The following SEC23B variants were observed in gnomAD, a reference collection of about 807,000 sequenced individuals.
SEC23B encodes protein transport protein Sec23B.
In SEC23B, 77 loss-of-function variants were observed where a neutral mutation model predicts 104.3. That is an observed-to-expected ratio of 0.74 (90% CI 0.61 to 0.89). SEC23B has a LOEUF of 0.89. Ranked by LOEUF, SEC23B falls within the 40% of genes least tolerant of loss-of-function variation. The pLI is 0.00. For missense variants in SEC23B, 885 were observed against 949.4 expected, an observed-to-expected ratio of 0.93 and a Z score of 0.89; for synonymous variants, 338 against 332.5, an observed-to-expected ratio of 1.02 and a Z score of -0.18.
At position 18,524,735 on chromosome 20, in the gene SEC23B, T is replaced by C. The variant is rs187504382; in HGVS notation, c.603+66T>C. 1.1e-3 allele frequency: 1,475 copies of C among 1,383,776 alleles called. 28 individuals carry two copies. The Admixed American group carries it at 0.024, about 23-fold the overall frequency. 85.7% of individuals were successfully genotyped at this position (1,383,776 alleles called of 1,614,324 possible). A position where few individuals can be genotyped will look rare whatever the true frequency, so the allele number is the denominator to read the frequency against. On this transcript the variant is annotated intron_variant, in intron 5 of 19. Transcript: ENST00000650089. ...TTTTTAAAAGAGACTGGGGTCTCTT[T>C]AAAAGAGCCTGTAGCCCAGGCTGGA...
rs191755557 is a variant in SEC23B at position 18,535,879 on chromosome 20, A to G, written c.1404+137A>G. The G allele has an allele frequency of 1.2e-3, 870 of 725,056 alleles. 2 individuals are homozygous for G. Among genetic ancestry groups the G allele is most frequent in the African/African-American group, 9.5e-3 (541 of 57,170 alleles). 44.9% of individuals were successfully genotyped at this position (725,056 alleles called of 1,614,324 possible). A position where few individuals can be genotyped will look rare whatever the true frequency, so the allele number is the denominator to read the frequency against. On this transcript the variant is annotated intron_variant, in intron 12 of 19. Coordinates refer to ENST00000650089, the MANE Select transcript of SEC23B (RefSeq NM_006363.6). Reference sequence around the variant, plus strand: ...GTATTAGGCCTGATGATAGTCTGGCATGACCTTTTCTTATTTATTCCTTCA... The same window carrying G: ...GTATTAGGCCTGATGATAGTCTGGCGTGACCTTTTCTTATTTATTCCTTCA...
intron 3 of SEC23B, among the ~76,000 whole-genome samples, chr20:18,513,904 G>A (rs2060002707): frequency 6.6e-6 from 1 of 152,186 alleles, no homozygotes; most frequent in Non-Finnish European, 1.5e-5. Flanking sequence ...GTAACTTTGG[G>A]TAGGTCACTT....
intron 8 of SEC23B, among the ~76,000 whole-genome samples, 197 bp downstream of exon 8, chr20:18,526,728 C>G (rs1017661674): frequency 1.3e-5 from 2 of 152,174 alleles, no homozygotes; most frequent in East Asian, 1.9e-4. Context: ...GGCCTTAAAA[C>G]TACTCAAAGG....
chr20:18,540,789 G>A (rs1442027447), intron 12 of SEC23B, among the ~76,000 whole-genome samples: 1 of 152,162 alleles, frequency 6.6e-6, no homozygotes, highest in Non-Finnish European at 1.5e-5. Flanking sequence ...CTGGGAAGCC[G>A]AGGTTGCAGT....
intron 3 of SEC23B, among the ~76,000 whole-genome samples, chr20:18,515,208 G>T (rs1200651042): frequency 6.6e-6 from 1 of 152,176 alleles, no homozygotes. Flanking sequence ...GGACAGAAAT[G>T]ATATAAATAT....
intron 4 of SEC23B, among the ~76,000 whole-genome samples, chr20:18,519,602 AT>A (rs1202220019): frequency 1.3e-5 from 2 of 152,154 alleles, no homozygotes; most frequent in Admixed American, 6.5e-5. Context: ...GCTGTGTGTA[AT>A]GAAAAGGGTT....
At chr20:18,516,764 A>T (rs1391997568) in intron 4 of SEC23B, among the ~76,000 whole-genome samples, 1 of 151,948 alleles carries the variant, frequency 6.6e-6, no homozygotes, top group Non-Finnish European at 1.5e-5. Context: ...CATGTTAGCC[A>T]GGATGGTCTC....
chr20:18,510,996 TA>T lies in SEC23B; in HGVS notation c.162del (p.Gln55AsnfsTer50). 2.5e-6 allele frequency: 4 copies of T among 1,614,226 alleles called. No individual in the cohort carries two copies. In the South Asian group the frequency reaches 4.4e-5, roughly 18 times the overall value. Reference protein sequence around the residue: ...PLKERPDLPPVQYEPVLCSRP... With the variant: ...PLKERPDLPPXQYEPVLCSRP... ...AAAGAACGTCCAGACCTACCTCCTG[TA>T]CAATATGAACCTGTGCTTTGCAGCA... On this transcript the variant is annotated frameshift_variant, in exon 2 of 20. Transcript: ENST00000650089. LOFTEE classifies it high-confidence loss of function.
At chr20:18,516,510 CTT>C (rs77850208) in intron 4 of SEC23B, among the ~76,000 whole-genome samples, 1 of 147,728 alleles carries the variant, frequency 6.8e-6, no homozygotes, top group Non-Finnish European at 1.5e-5. Context: ...GACATTGTTT[CTT>C]TTTTTTAAAC....
At chr20:18,540,383 T>C (rs2060276783) in intron 12 of SEC23B, among the ~76,000 whole-genome samples, 1 of 152,204 alleles carries the variant, frequency 6.6e-6, no homozygotes, top group South Asian at 2.1e-4. Context: ...AGGAGTCTTT[T>C]TTTTCCTGAG....
intron 9 of SEC23B, 112 bp from the exon 10 acceptor site, chr20:18,530,568 T>C (rs1317644968): frequency 1.6e-6 from 2 of 1,258,050 alleles, no homozygotes; most frequent in Non-Finnish European, 2.2e-6. Flanking sequence ...CAGTGGCTCT[T>C]TTGGGGACCT....
rs536034989 is a variant in SEC23B at position 18,560,577 on chromosome 20, A to G, written c.2215-74A>G. The stretch of plus-strand genomic sequence containing the variant: ...CAACACCTGTGAATGTTCTGAGGGA[A>G]GGTGCTTGACAGCTCATGAATTCTA... On this transcript the variant is annotated intron_variant, in intron 19 of 19. Coordinates refer to ENST00000650089, the MANE Select transcript of SEC23B (RefSeq NM_006363.6). 34 of 1,123,002 alleles carry G rather than the reference A, an allele frequency of 3.0e-5. No homozygotes were observed. The East Asian group carries it at 7.5e-4, about 25-fold the overall frequency. 69.6% of individuals were successfully genotyped at this position (1,123,002 alleles called of 1,614,324 possible). A position where few individuals can be genotyped will look rare whatever the true frequency, so the allele number is the denominator to read the frequency against.
chr20:18,534,546 A>T (rs111919146), intron 11 of SEC23B, among the ~76,000 whole-genome samples: 3 of 152,296 alleles, frequency 2.0e-5, no homozygotes, highest in African/African-American at 7.2e-5. Flanking sequence ...TCGCTTGGTG[A>T]TGGTGGTAAC....
intron 6 of SEC23B, 127 bp downstream of exon 6, chr20:18,525,147 C>A: frequency 1.1e-6 from 1 of 936,858 alleles, no homozygotes; most frequent in Non-Finnish European, 1.7e-6. Flanking sequence ...ATGATTAAGC[C>A]TAATCAATAT....
chr20:18,549,557 AT>A (rs2060366527), intron 16 of SEC23B, among the ~76,000 whole-genome samples: 1 of 152,206 alleles, frequency 6.6e-6, no homozygotes, highest in East Asian at 1.9e-4. Context: ...ACATAATAAA[AT>A]AGATAAGTCC....
chr20:18,533,820 T>C (rs11905972), intron 11 of SEC23B, among the ~76,000 whole-genome samples: 3,469 of 152,312 alleles, frequency 0.023, 63 homozygotes, highest in African/African-American at 0.033. Flanking sequence ...TACCCCTATT[T>C]CCTGGCAAGG....
chr20:18,547,735 C>A (rs1406597939), intron 15 of SEC23B, among the ~76,000 whole-genome samples: 2 of 152,132 alleles, frequency 1.3e-5, no homozygotes, highest in Non-Finnish European at 2.9e-5. Flanking sequence ...CCTCCACCCC[C>A]ACTCCCCACT....
chr20:18,527,881 C>G, intron 9 of SEC23B, among the ~76,000 whole-genome samples: 1 of 152,104 alleles, frequency 6.6e-6, no homozygotes, highest in Non-Finnish European at 1.5e-5. Context: ...GAGACCAGGC[C>G]AAGAAAGCAA....
In SEC23B at chr20:18,526,677, T is replaced by G. The variant is rs1252989722; in HGVS notation, c.993+146T>G. 17 of 854,162 alleles carry G rather than the reference T, an allele frequency of 2.0e-5. No individual in the cohort carries two copies. The South Asian group carries it at 2.0e-4, about 10-fold the overall frequency. The allele number at this position is 854,162 out of a possible 1,614,324, so 52.9% of individuals were successfully genotyped here. A position where few individuals can be genotyped will look rare whatever the true frequency, so the allele number is the denominator to read the frequency against. ...ACAGTTTTCCAATCTTAGCTGCTGT[T>G]AAATTATTGCTCCTACTTTCAGACC... On this transcript the variant is annotated intron_variant, in intron 8 of 19. Transcript: ENST00000650089.
Sources: gnomAD v4.1 joint callset for allele counts (sites outside exome capture counted in the v4.1 genomes callset) on GRCh38, gnomAD v4.1.1 for gene constraint, MANE v1.5 for transcripts, NCBI Gene and HGNC (gene_info 2026-07-23, HGNC 2026-07-21) for gene names.